The following SEMA3E variants were observed in gnomAD, a reference collection of about 807,000 sequenced individuals.
SEMA3E encodes semaphorin-3E.
A neutral mutation model predicts 93.6 loss-of-function variants in SEMA3E; 49 were observed. The ratio of observed to expected loss-of-function variants is 0.52; its 90% CI spans 0.42 to 0.66. The LOEUF is 0.66. Ranked by LOEUF, SEMA3E falls within the 30% of genes least tolerant of loss-of-function variation. The pLI, the probability that SEMA3E is intolerant of heterozygous loss-of-function variation, is 0.00. For missense variants in SEMA3E, 906 were observed against 964.8 expected, an observed-to-expected ratio of 0.94 and a Z score of 0.81; for synonymous variants, 363 against 330.7, an observed-to-expected ratio of 1.10 and a Z score of -1.06.
chr7:83,417,570 A>G (rs2709893), intron 5 of SEMA3E, among the ~76,000 whole-genome samples: 81,135 of 151,902 alleles, frequency 0.53, 23,471 homozygotes, highest in East Asian at 0.84. Flanking sequence ...TGCACCATAC[A>G]TGCATCAGAA....
chr7:83,546,336 G>A (rs1422320640), intron 1 of SEMA3E, among the ~76,000 whole-genome samples: 2 of 135,582 alleles, frequency 1.5e-5, no homozygotes, highest in African/African-American at 6.9e-5. Flanking sequence ...GTGTGTGTGT[G>A]TGTGTGTGTG....
chr7:83,571,305 T>A (rs1287535557), intron 1 of SEMA3E, among the ~76,000 whole-genome samples: 1 of 152,212 alleles, frequency 6.6e-6, no homozygotes, highest in East Asian at 1.9e-4. Context: ...CTGATGAGCA[T>A]ATAGATATAA....
Position 83,421,250 on chromosome 7 carries a change from G to A in SEMA3E, c.457-2767C>T, listed in dbSNP as rs537237782. Among the ~76,000 whole-genome samples, 59 of 141,844 alleles carry A rather than the reference G, an allele frequency of 4.2e-4. 4 individuals are homozygous for A. Among genetic ancestry groups the A allele is most frequent in the African/African-American group, 1.5e-3 (58 of 39,818 alleles). 93.1% of individuals were successfully genotyped at this position (141,844 alleles called of 152,430 possible). ...TCAATGTTTAATAACATAGAATAAT[G>A]CATAAGTACTGTAAATATTTATCAA... On this transcript the variant is annotated intron_variant, in intron 4 of 16. Coordinates refer to ENST00000643230, the MANE Select transcript of SEMA3E (RefSeq NM_012431.3).
chr7:83,618,546 G>A (rs1296048670), intron 1 of SEMA3E, among the ~76,000 whole-genome samples: 1 of 151,962 alleles, frequency 6.6e-6, no homozygotes, highest in Non-Finnish European at 1.5e-5. Flanking sequence ...TACAAAGTCT[G>A]TTGCCTCAAG....
At chr7:83,584,607 A>AT (rs1584346816) in intron 1 of SEMA3E, among the ~76,000 whole-genome samples, 2 of 152,174 alleles carry the variant, frequency 1.3e-5, no homozygotes, top group East Asian at 3.9e-4. Flanking sequence ...GTTCAGGCAT[A>AT]TAACACAAAG....
At chr7:83,470,922 C>A (rs1215028025) in intron 2 of SEMA3E, among the ~76,000 whole-genome samples, 1 of 150,756 alleles carries the variant, frequency 6.6e-6, no homozygotes, top group African/African-American at 2.4e-5. Flanking sequence ...TCAAACTCCC[C>A]TCATACAAGG....
intron 1 of SEMA3E, among the ~76,000 whole-genome samples, chr7:83,533,142 A>G (rs1405269685): frequency 6.6e-6 from 1 of 152,114 alleles, no homozygotes; most frequent in Non-Finnish European, 1.5e-5. Context: ...GACATTACCT[A>G]AATTTCCTTA....
chr7:83,473,207 G>C (rs533505894), intron 2 of SEMA3E, among the ~76,000 whole-genome samples: 28 of 152,272 alleles, frequency 1.8e-4, no homozygotes, highest in South Asian at 1.7e-3. Flanking sequence ...GGCCTCTCAA[G>C]ATATCATTAA....
At chr7:83,370,165 G>T (rs1342596076) in intron 16 of SEMA3E, among the ~76,000 whole-genome samples, 4 of 151,862 alleles carry the variant, frequency 2.6e-5, no homozygotes, top group Non-Finnish European at 5.9e-5. Flanking sequence ...CCCTAAAATG[G>T]TACATCTTAC....
chr7:83,480,567 G>A (rs1790124404), intron 2 of SEMA3E, among the ~76,000 whole-genome samples: 1 of 152,102 alleles, frequency 6.6e-6, no homozygotes. Context: ...TGGGTTGGCT[G>A]TAACAAAATA....
chr7:83,639,204 G>T (rs1793948615), intron 1 of SEMA3E, among the ~76,000 whole-genome samples: 1 of 149,294 alleles, frequency 6.7e-6, no homozygotes, highest in Admixed American at 6.7e-5. Context: ...CCCAGGGAAT[G>T]CTGATGTTGC....
chr7:83,384,330 G>C (rs963806120), intron 16 of SEMA3E, among the ~76,000 whole-genome samples: 1 of 152,002 alleles, frequency 6.6e-6, no homozygotes, highest in African/African-American at 2.4e-5. Flanking sequence ...GCCTTCCATT[G>C]ATTCACTCTC....
chr7:83,429,086 TA>T lies in SEMA3E; in HGVS notation c.457-10604del, dbSNP rs560463522. Among the ~76,000 whole-genome samples, 752 of 152,256 alleles carry T rather than the reference TA, an allele frequency of 4.9e-3. 5 individuals carry two copies. Among genetic ancestry groups the T allele is most frequent in the Non-Finnish European group, 8.6e-3 (587 of 68,014 alleles). On this transcript the variant is annotated intron_variant, in intron 4 of 16. Transcript: ENST00000643230. The stretch of plus-strand genomic sequence containing the variant: ...TGCATAATCAAGGCCCAAAAATATA[TA>T]TTAAGATTTTTTTCAAAAAAATCTT...
intron 1 of SEMA3E, among the ~76,000 whole-genome samples, chr7:83,512,849 A>G (rs1049097961): frequency 2.0e-5 from 3 of 152,192 alleles, no homozygotes; most frequent in African/African-American, 7.2e-5. Flanking sequence ...AACTTTATTT[A>G]ATATTTAAAA....
chr7:83,413,660 A>AT (rs1194658130), intron 5 of SEMA3E, among the ~76,000 whole-genome samples: 2 of 152,150 alleles, frequency 1.3e-5, no homozygotes, highest in African/African-American at 4.8e-5. Context: ...TGAATGTGTG[A>AT]TTTTATTAGG....
rs574258149 is a variant in SEMA3E, at chr7:83,528,977, T to C, written c.116-38703A>G. ...TTAGATGATGAAAGTGTCATATCTC[T>C]ACAAAAATCTTCCAGACAAGGTCTG... On this transcript the variant is annotated intron_variant, in intron 1 of 16. Transcript: ENST00000643230. Among the ~76,000 whole-genome samples the C allele has an allele frequency of 2.6e-3, 393 of 152,250 alleles. 1 individual carries two copies. The highest frequency in any genetic ancestry group is 3.6e-3 in the Non-Finnish European group (242 of 67,978).
At position 83,366,438 on chromosome 7, in the gene SEMA3E, CTTAAT is replaced by C. The variant is rs1232081884; in HGVS notation, c.*1143_*1147del. The C allele has an allele frequency of 6.6e-6, 1 of 150,994 alleles. No homozygotes were observed. Among genetic ancestry groups the C allele is most frequent in the Non-Finnish European group, 1.5e-5 (1 of 67,584 alleles). 9.4% of individuals were successfully genotyped at this position (150,994 alleles called of 1,614,324 possible). ...GAACTCATGAAACAATTTTCTGTCT[CTTAAT>C]ATAAAAGAGAGAAGAAAATTTGATA... is the stretch of plus-strand genomic sequence containing the variant. On this transcript the variant is annotated 3_prime_UTR_variant, in exon 17 of 17. Transcript: ENST00000643230.
Position 83,648,475 on chromosome 7 carries a change from C to A in SEMA3E, c.68G>T (p.Gly23Val), listed in dbSNP as rs1794109728. The A allele has an allele frequency of 3.1e-6, 5 of 1,611,968 alleles. No individual in the cohort carries two copies. The highest frequency in any genetic ancestry group is 1.3e-5 in the African/African-American group (1 of 74,126). The change falls in exon 1 of 17, where the codon GGT becomes GTT. Residue 23 changes from glycine to valine, a missense_variant. By Grantham distance (109) the Gly-to-Val change is moderately radical. Transcript: ENST00000643230. ...WGYLLELWTG[G>V]HTADTTHPRL... ...GGGGTGGGTAGTATCAGCTGTATGA[C>A]CTCCTGTCCAAAGCTCCAGTAAGTA...
At chr7:83,387,981 T>C (rs1787917055) in intron 14 of SEMA3E, among the ~76,000 whole-genome samples, 2 of 146,554 alleles carry the variant, frequency 1.4e-5, no homozygotes, top group Non-Finnish European at 3.0e-5. Flanking sequence ...TTCAAGAATA[T>C]ATATATTATG....
Sources: allele counts gnomAD v4.1 joint callset (sites outside exome capture counted in the v4.1 genomes callset), GRCh38; gene constraint gnomAD v4.1.1; transcripts MANE v1.5; gene names NCBI Gene and HGNC (gene_info 2026-07-23, HGNC 2026-07-21).